WRAP73: variants seen among roughly 807,000 people sequenced by gnomAD.
WRAP73 encodes the protein WD repeat containing, antisense to TP73, also known as WD repeat-containing protein WRAP73.
Under a neutral mutation model 59.6 loss-of-function variants are expected in WRAP73, and 55 were observed. That is an observed-to-expected ratio of 0.92 (90% CI 0.74 to 1.15). The LOEUF is 1.15. Among genes scored for constraint, WRAP73 ranks in the 50% most tolerant of loss-of-function variants. The pLI, the probability that WRAP73 is intolerant of heterozygous loss-of-function variation, is 0.00. For synonymous variants in WRAP73, 265 were observed against 258.2 expected (o/e 1.03, Z -0.25); for missense variants, 592 against 608.1 (o/e 0.97, Z 0.28).
intron 1 of WRAP73, among the ~76,000 whole-genome samples, chr1:3,648,762 T>A (rs1420187758): frequency 6.6e-6 from 1 of 152,218 alleles, no homozygotes; most frequent in Non-Finnish European, 1.5e-5. Context: ...TATAATTCAC[T>A]GAAATTTTCA....
At chr1:3,645,305 C>T (rs1485061647) in intron 3 of WRAP73, among the ~76,000 whole-genome samples, 4 of 152,026 alleles carry the variant, frequency 2.6e-5, no homozygotes, top group Non-Finnish European at 5.9e-5. Flanking sequence ...GTGGTGTGCG[C>T]GGCGCAGCGG....
rs201901411 is a variant in WRAP73, at chr1:3,632,218, C to A, written c.1043G>T (p.Arg348Met). 5 of 1,613,218 alleles carry A rather than the reference C, an allele frequency of 3.1e-6. No individual in the cohort carries two copies. The highest frequency in any genetic ancestry group is 4.2e-6 in the Non-Finnish European group (5 of 1,179,454). Residue 348 changes from arginine to methionine, a missense_variant, in exon 10 of 12, where the codon AGG (arginine) becomes ATG (methionine). By Grantham distance (91) the Arg-to-Met change is moderately conservative. Transcript: ENST00000270708. ...FSPDSYFLAT[R>M]NDNIPNAVWV... ...CCTGCGTCAGCACAACTGACCGTTC[C>A]TTGTCGCCAGGAAGTAGCTGTCAGG...
chr1:3,631,967 A>G (rs781604005), intron 10 of WRAP73: 12 of 1,407,800 alleles, frequency 8.5e-6, no homozygotes, highest in Non-Finnish European at 1.1e-5. Flanking sequence ...CCTGCTTTCT[A>G]CTCAGCAGAG....
chr1:3,647,397 G>A lies in WRAP73; in HGVS notation c.222+11C>T, dbSNP rs575271084. The A allele has an allele frequency of 6.2e-7, 1 of 1,608,936 alleles. No homozygotes were observed. Among genetic ancestry groups the A allele is most frequent in the Non-Finnish European group, 8.5e-7 (1 of 1,177,666 alleles). On this transcript the variant is annotated intron_variant, in intron 2 of 11. Coordinates refer to ENST00000270708, the MANE Select transcript of WRAP73 (RefSeq NM_017818.4). The stretch of plus-strand genomic sequence containing the variant: ...AGGTGTCCAGATTCTAAGCGACACG[G>A]CAGCACACACCTGCACCAGCCCTCG...
At chr1:3,638,633 G>T in intron 4 of WRAP73, 117 bp downstream of exon 4, 1 of 1,047,644 alleles carries the variant, frequency 9.5e-7, no homozygotes, top group Non-Finnish European at 1.5e-6. Flanking sequence ...GAGCCCAAGG[G>T]GGTTGGCTAT....
In WRAP73 at chr1:3,646,639, G is replaced by A. The variant is rs1230395898; in HGVS notation, c.339+27C>T. 3 of 1,566,688 alleles carry A rather than the reference G, an allele frequency of 1.9e-6. No individual in the cohort carries two copies. The highest frequency in any genetic ancestry group is 1.8e-5 in the Admixed American group (1 of 55,494). ...AGCAGAGGACAGGATCACATGGCCA[G>A]TAAGGTGTCTTGGGGCTGACACTTA... On this transcript the variant is annotated intron_variant, in intron 3 of 11. Transcript: ENST00000270708. The surrounding 1 kb of genome is among the most constrained non-coding windows in gnomAD (Gnocchi z 5.1).
At chr1:3,638,691 T>A in intron 4 of WRAP73, 59 bp downstream of exon 4, 1 of 1,599,614 alleles carries the variant, frequency 6.3e-7, no homozygotes, top group Non-Finnish European at 8.6e-7. Flanking sequence ...AAACTTCCCG[T>A]GACAAAAAAG....
At position 3,639,749 on chromosome 1, in the gene WRAP73, A is replaced by G. The variant is rs999694208; in HGVS notation, c.340-927T>C. 3 of 145,346 alleles carry G rather than the reference A, an allele frequency of 2.1e-5. No individual in the cohort carries two copies. Among genetic ancestry groups the G allele is most frequent in the African/African-American group, 2.7e-5 (1 of 36,630 alleles). The allele number at this position is 145,346 out of a possible 1,614,324, so 9.0% of individuals were successfully genotyped here. ...TGGGGACACAGGGCTGCGCAGCTCC[A>G]TGTGGGGTGGGGTGCTGACTGCCAG... On this transcript the variant is annotated intron_variant, in intron 3 of 11. Coordinates refer to ENST00000270708, the MANE Select transcript of WRAP73 (RefSeq NM_017818.4). The surrounding 1 kb of genome is among the most constrained non-coding windows in gnomAD (Gnocchi z 4.3).
chr1:3,632,310 TAAGGAG>T lies in WRAP73; in HGVS notation c.945_950del (p.Ser316_Leu317del), dbSNP rs1343403547. 6.2e-7 allele frequency: 1 copy of T among 1,614,164 alleles called. No individual in the cohort carries two copies. Among genetic ancestry groups the T allele is most frequent in the East Asian group, 2.2e-5 (1 of 44,890 alleles). On this transcript the variant is annotated inframe_deletion, in exon 10 of 12. Transcript: ENST00000270708. ...TGTCGGTAACAGGTTTCAGTGTCTG[TAAGGAG>T]ACTGGGACAGAGGCGATCTCATCTA...
Position 3,631,111 on chromosome 1 carries a change from A to G in WRAP73, c.1247T>C (p.Phe416Ser), listed in dbSNP as rs749413282. 1 of 1,613,286 alleles carries G rather than the reference A, an allele frequency of 6.2e-7. No homozygotes were observed. Among genetic ancestry groups the G allele is most frequent in the South Asian group, 1.1e-5 (1 of 91,080 alleles). Residue 416 changes from phenylalanine (F) to serine (S), a missense_variant, in exon 12 of 12, where the codon TTT (phenylalanine) becomes TCT (serine). Phe to Ser is a radical substitution (Grantham distance 155). Transcript: ENST00000270708. The stretch of plus-strand genomic sequence containing the variant: ...ATGCCAGCACAGAGAGAGCACTGCA[A>G]AGTCGCCTAGAGAGAGACAGGTGGC... ...MSVQVPGEGD[F>S]AVLSLCWHLS...
At chr1:3,644,704 T>C (rs1274001746) in intron 3 of WRAP73, among the ~76,000 whole-genome samples, 1 of 152,238 alleles carries the variant, frequency 6.6e-6, no homozygotes, top group Non-Finnish European at 1.5e-5. Flanking sequence ...GGTTGAACAA[T>C]GTCATCTAAA....
chr1:3,647,618 T>C, intron 1 of WRAP73, 58 bp from the exon 2 acceptor site: 1 of 1,579,922 alleles, frequency 6.3e-7, no homozygotes. Flanking sequence ...AGGGGGGCCT[T>C]CGGAATGCTA....
At chr1:3,633,300 T>C in intron 9 of WRAP73, 98 bp downstream of exon 9, 1 of 1,257,572 alleles carries the variant, frequency 8.0e-7, no homozygotes. Flanking sequence ...GAAAAAAAGT[T>C]TTTTTTTTTA....
At chr1:3,633,543 G>C in intron 8 of WRAP73, 40 bp from the exon 9 acceptor site, 1 of 1,497,856 alleles carries the variant, frequency 6.7e-7, no homozygotes, top group Non-Finnish European at 9.0e-7. Flanking sequence ...TCAGGACAGG[G>C]ACCCGGAAGC....
chr1:3,635,057 G>T lies in WRAP73; in HGVS notation c.756C>A (p.His252Gln). The T allele has an allele frequency of 6.2e-7, 1 of 1,614,216 alleles. No homozygotes were observed. Among genetic ancestry groups the T allele is most frequent in the South Asian group, 1.1e-5 (1 of 91,092 alleles). The change falls in exon 8 of 12, where the codon CAC becomes CAA. Residue 252 changes from histidine (H) to glutamine (Q), a missense_variant. Transcript: ENST00000270708. ...SYDGKVRILN[H>Q]VTWKMITEFG... ...ACTCCGTGATCATTTTCCAAGTCAC[G>T]TGATTAAGGATGCGCACCTGAGGAA...
rs1474855587 is a variant in WRAP73, at chr1:3,631,496, C to T, written c.1210G>A (p.Gly404Ser). 1 of 1,607,186 alleles carries T rather than the reference C, an allele frequency of 6.2e-7. No individual in the cohort carries two copies. The highest frequency in any genetic ancestry group is 1.7e-5 in the Admixed American group (1 of 59,218). The change falls in exon 11 of 12, where the codon GGC becomes AGC. Residue 404 changes from glycine to serine, a missense_variant. Coordinates refer to ENST00000270708, the MANE Select transcript of WRAP73 (RefSeq NM_017818.4). Reference protein sequence around the residue: ...GSRLYLWSPAGCMSVQVPGEG... With the variant: ...GSRLYLWSPASCMSVQVPGEG... Reference sequence around the variant, plus strand: ...CCAGGCACCTGCACCGACATGCAGCCCGCTGGGGACCACAGGTAGAGCCTG... The same window carrying T: ...CCAGGCACCTGCACCGACATGCAGCTCGCTGGGGACCACAGGTAGAGCCTG...
intron 9 of WRAP73, chr1:3,632,890 G>A: frequency 4.8e-6 from 1 of 207,810 alleles, no homozygotes; most frequent in South Asian, 7.0e-5. Flanking sequence ...GGCACTTGGG[G>A]CACCGCTTCC....
At chr1:3,632,051 C>T (rs1644540681) in intron 10 of WRAP73, 162 bp downstream of exon 10, 8 of 1,491,758 alleles carry the variant, frequency 5.4e-6, no homozygotes, top group Admixed American at 4.6e-5. Context: ...AAAGGCCCAG[C>T]GCCTCCAAGG....
Position 3,633,436 on chromosome 1 carries a change from C to G in WRAP73, c.884G>C (p.Arg295Pro), listed in dbSNP as rs145549722. The G allele has an allele frequency of 4.3e-6, 7 of 1,611,812 alleles. No homozygotes were observed. Among genetic ancestry groups the G allele is most frequent in the Non-Finnish European group, 5.9e-6 (7 of 1,179,338 alleles). ...GCTCGGGAGAGGGCCGGCCCCGGCCCGGGGCGGCGGGAAGGAGAGGCAGCC... is the reference window on the plus strand; with the variant it reads ...GCTCGGGAGAGGGCCGGCCCCGGCCGGGGGCGGCGGGAAGGAGAGGCAGCC... ...GLGCLSFPPPRAGAGPLPSSE... is the reference protein window; with the variant it reads ...GLGCLSFPPPPAGAGPLPSSE... The change falls in exon 9 of 12, where the codon CGG (arginine) becomes CCG (proline). Residue 295 changes from arginine to proline, a missense_variant. Coordinates refer to ENST00000270708, the MANE Select transcript of WRAP73 (RefSeq NM_017818.4).
Sources: gnomAD v4.1 joint callset for allele counts (sites outside exome capture counted in the v4.1 genomes callset) on GRCh38, gnomAD v4.1.1 for gene constraint, Gnocchi (gnomAD v3.1) non-coding constraint, MANE v1.5 for transcripts, NCBI Gene and HGNC (gene_info 2026-07-23, HGNC 2026-07-21) for gene names.